The following DNM3 variants were observed in gnomAD, a reference collection of about 807,000 sequenced individuals.
DNM3 encodes dynamin 3.
A neutral mutation model predicts 101.6 loss-of-function variants in DNM3; 47 were observed. The ratio of observed to expected loss-of-function variants is 0.46; its 90% CI spans 0.37 to 0.59. The LOEUF (loss-of-function observed/expected upper bound fraction) is 0.59. Ranked by LOEUF, DNM3 falls within the 20% of genes least tolerant of loss-of-function variation. DNM3 has a pLI of 0.00. For synonymous variants in DNM3, 385 were observed against 387.9 expected, an observed-to-expected ratio of 0.99 and a Z score of 0.09; for missense variants, 849 against 1,085.7, an observed-to-expected ratio of 0.78 and a Z score of 3.06.
chr1:171,930,539 C>G (rs1461765157), intron 2 of DNM3, among the ~76,000 whole-genome samples: 1 of 152,104 alleles, frequency 6.6e-6, no homozygotes, highest in Admixed American at 6.5e-5. Flanking sequence ...GACTGAATGC[C>G]GTGGTGGAGT....
intron 14 of DNM3, among the ~76,000 whole-genome samples, chr1:172,177,094 G>A (rs2059178235): frequency 6.6e-6 from 1 of 151,798 alleles, no homozygotes; most frequent in South Asian, 2.1e-4. Context: ...TTTTGAGTTT[G>A]AGAGAACAAT....
At chr1:172,142,771 A>C (rs1325092251) in intron 14 of DNM3, among the ~76,000 whole-genome samples, 1 of 151,614 alleles carries the variant, frequency 6.6e-6, no homozygotes, top group Admixed American at 6.6e-5. Context: ...ATTTGAGAAA[A>C]ACATTACCAA....
At chr1:172,050,442 C>T (rs2050126187) in intron 10 of DNM3, among the ~76,000 whole-genome samples, 1 of 143,526 alleles carries the variant, frequency 7.0e-6, no homozygotes, top group Non-Finnish European at 1.6e-5. Flanking sequence ...TAGCCAGTTG[C>T]ACTTATTTTA....
chr1:171,944,047 G>C (rs957506977), intron 2 of DNM3, among the ~76,000 whole-genome samples: 4 of 152,250 alleles, frequency 2.6e-5, no homozygotes, highest in Admixed American at 2.0e-4. Flanking sequence ...GATATTTTAG[G>C]CTTTGCAGGA....
intron 4 of DNM3, among the ~76,000 whole-genome samples, chr1:172,002,361 A>C (rs1043710930): frequency 1.3e-5 from 2 of 152,116 alleles, no homozygotes; most frequent in African/African-American, 4.8e-5. Flanking sequence ...ATTATAAAAT[A>C]GAAACAAAGA....
intron 1 of DNM3, among the ~76,000 whole-genome samples, chr1:171,898,133 T>C (rs942540303): frequency 1.3e-3 from 198 of 152,302 alleles, no homozygotes; most frequent in African/African-American, 4.4e-3. Context: ...AATCTGGCAT[T>C]TTCTACATTT....
intron 18 of DNM3, among the ~76,000 whole-genome samples, chr1:172,383,415 G>A (rs1013127318): frequency 1.3e-5 from 2 of 152,148 alleles, no homozygotes; most frequent in African/African-American, 2.4e-5. Flanking sequence ...GCAGATGTGA[G>A]AGAATTGTGA....
intron 1 of DNM3, among the ~76,000 whole-genome samples, chr1:171,864,035 T>C (rs2034459752): frequency 6.6e-6 from 1 of 152,228 alleles, no homozygotes; most frequent in African/African-American, 2.4e-5. Flanking sequence ...ATCTGCAGAA[T>C]GGAGATAATA....
intron 1 of DNM3, among the ~76,000 whole-genome samples, chr1:171,867,492 A>C (rs918623501): frequency 6.6e-6 from 1 of 152,224 alleles, no homozygotes; most frequent in African/African-American, 2.4e-5. Context: ...GCCAAGTGGC[A>C]TTCCATGGGG....
At chr1:172,206,825 C>T (rs2060339714) in intron 14 of DNM3, among the ~76,000 whole-genome samples, 2 of 152,032 alleles carry the variant, frequency 1.3e-5, no homozygotes, top group Non-Finnish European at 2.9e-5. Flanking sequence ...CTATTTCGTA[C>T]TTGGAAAATT....
chr1:172,252,791 A>G (rs1173105403), intron 14 of DNM3, among the ~76,000 whole-genome samples: 5 of 152,086 alleles, frequency 3.3e-5, no homozygotes, highest in East Asian at 1.9e-4. Context: ...TTGGCATCCA[A>G]TGTTTTACTA....
Position 172,064,479 on chromosome 1 carries a change from GAC to G in DNM3, c.1336-4336_1336-4335del, listed in dbSNP as rs1197707761. Among the ~76,000 whole-genome samples the G allele has an allele frequency of 5.3e-5, 8 of 152,066 alleles. No homozygotes were observed. The East Asian group carries it at 1.5e-3, about 29-fold the overall frequency. The stretch of plus-strand genomic sequence containing the variant: ...TATGTTTTAAAGCTAAGTAAAGGGT[GAC>G]ACAAACTGAGCAGGGCACAGTTTGA... On this transcript the variant is annotated intron_variant, in intron 10 of 20. Coordinates refer to ENST00000627582, the MANE Select transcript of DNM3 (RefSeq NM_015569.5).
rs551027548 is a variant in DNM3, at chr1:172,258,924, C to T, written c.1769+5242C>T. ...TATCAGCACTGTTTTCACTTTATTTCATAGGTTTTGGTACATTGTGTTTTG... is the reference window on the plus strand; with the variant it reads ...TATCAGCACTGTTTTCACTTTATTTTATAGGTTTTGGTACATTGTGTTTTG... On this transcript the variant is annotated intron_variant, in intron 15 of 20. Coordinates refer to ENST00000627582, the MANE Select transcript of DNM3 (RefSeq NM_015569.5). Among the ~76,000 whole-genome samples the T allele has an allele frequency of 4.0e-5, 6 of 151,640 alleles. 1 individual carries two copies. The highest frequency in any genetic ancestry group is 1.4e-4 in the African/African-American group (6 of 41,452).
At chr1:171,894,326 A>T (rs1397185227) in intron 1 of DNM3, among the ~76,000 whole-genome samples, 1 of 152,146 alleles carries the variant, frequency 6.6e-6, no homozygotes, top group Non-Finnish European at 1.5e-5. Context: ...GACAGTCAGG[A>T]TCTTCTTTGC....
chr1:171,957,725 G>C (rs1197677337), intron 2 of DNM3, among the ~76,000 whole-genome samples: 5 of 152,136 alleles, frequency 3.3e-5, no homozygotes, highest in Non-Finnish European at 7.3e-5. Flanking sequence ...CTAAAACATA[G>C]CAAGAGTCAC....
In DNM3 at chr1:172,159,747, G is replaced by A. The variant is rs187999118; in HGVS notation, c.1659+28459G>A. ...ATAGATTTTCACTAAAAGGCTACACGAAATTATTAATTCTGTTTGTGCTGT... is the reference window on the plus strand; with the variant it reads ...ATAGATTTTCACTAAAAGGCTACACAAAATTATTAATTCTGTTTGTGCTGT... On this transcript the variant is annotated intron_variant, in intron 14 of 20. Coordinates refer to ENST00000627582, the MANE Select transcript of DNM3 (RefSeq NM_015569.5). Among the ~76,000 whole-genome samples the A allele has an allele frequency of 2.4e-3, 368 of 152,156 alleles. 2 individuals are homozygous for A. The highest frequency in any genetic ancestry group is 8.1e-3 in the African/African-American group (337 of 41,540).
At chr1:172,069,304 C>T (rs1306642889) in intron 11 of DNM3, among the ~76,000 whole-genome samples, 3 of 152,136 alleles carry the variant, frequency 2.0e-5, no homozygotes, top group Non-Finnish European at 4.4e-5. Context: ...AGAAGATTCA[C>T]AAACTCCTAA....
At position 172,409,904 on chromosome 1, in the gene DNM3, G is replaced by A; in HGVS notation, c.*2063G>A. The A allele has an allele frequency of 1.0e-6, 1 of 985,628 alleles. No homozygotes were observed. The highest frequency in any genetic ancestry group is 1.2e-6 in the Non-Finnish European group (1 of 829,846). 61.1% of individuals were successfully genotyped at this position (985,628 alleles called of 1,614,324 possible). On this transcript the variant is annotated 3_prime_UTR_variant, in exon 21 of 21. Transcript: ENST00000627582. ...AGGAAAATATTGTGAATAACCACTG[G>A]TGTGTTCTTAGATCAGCACAAACCA...
chr1:171,875,813 C>CTCTTTTTTTTT (rs764794980), intron 1 of DNM3, among the ~76,000 whole-genome samples: 3 of 104,682 alleles, frequency 2.9e-5, no homozygotes, highest in African/African-American at 1.3e-4. Flanking sequence ...AGTTGTCTCT[C>CTCTTTTTTTTT]TTTTTTTTTT....
Sources: allele counts gnomAD v4.1 joint callset (sites outside exome capture counted in the v4.1 genomes callset), GRCh38; gene constraint gnomAD v4.1.1; transcripts MANE v1.5; gene names NCBI Gene and HGNC (gene_info 2026-07-23, HGNC 2026-07-21).